The following GABRG1 variants were observed in gnomAD, a reference collection of about 807,000 sequenced individuals.
GABRG1 encodes gamma-aminobutyric acid receptor subunit gamma-1.
Under a neutral mutation model 49.8 loss-of-function variants are expected in GABRG1, and 49 were observed. That is an observed-to-expected ratio of 0.98 (90% CI 0.78 to 1.25). The LOEUF is 1.25. Among genes scored for constraint, GABRG1 ranks in the 50% most tolerant of loss-of-function variants. The probability of loss-of-function intolerance (pLI) is 0.00; values close to 1 mark genes in which losing one functional copy is unlikely to be tolerated. For synonymous variants in GABRG1, 232 were observed against 185.1 expected (o/e 1.25, Z -2.06); for missense variants, 552 against 552.3 (o/e 1.00, Z 0.01).
At chr4:46,120,098 C>T (rs1721050612) in intron 1 of GABRG1, among the ~76,000 whole-genome samples, 1 of 151,636 alleles carries the variant, frequency 6.6e-6, no homozygotes, top group African/African-American at 2.4e-5. Flanking sequence ...TCTGAAATCA[C>T]TCCAGTGAGA....
intron 1 of GABRG1, among the ~76,000 whole-genome samples, chr4:46,113,771 T>A (rs572436062): frequency 2.0e-5 from 3 of 151,302 alleles, no homozygotes; most frequent in Non-Finnish European, 4.4e-5. Context: ...TAGAACAGCA[T>A]CTGTCACACA....
At chr4:46,123,656 A>G (rs139927233) in intron 1 of GABRG1, among the ~76,000 whole-genome samples, 154 bp downstream of exon 1, 303 of 152,310 alleles carry the variant, frequency 2.0e-3, no homozygotes, top group African/African-American at 6.8e-3. Flanking sequence ...GAGAATGAAT[A>G]GATCTAATCA....
At chr4:46,070,395 C>T (rs1035681214) in intron 3 of GABRG1, among the ~76,000 whole-genome samples, 3 of 151,454 alleles carry the variant, frequency 2.0e-5, no homozygotes, top group African/African-American at 7.3e-5. Context: ...TAAAATAGAC[C>T]ATGAAGTAAT....
At chr4:46,065,097 A>G (rs1718856377) in intron 4 of GABRG1, among the ~76,000 whole-genome samples, 1 of 152,142 alleles carries the variant, frequency 6.6e-6, no homozygotes, top group African/African-American at 2.4e-5. Context: ...GCAGGTTAAG[A>G]AAACCATAAT....
chr4:46,070,225 T>A (rs1301817752), intron 3 of GABRG1, among the ~76,000 whole-genome samples: 1 of 151,908 alleles, frequency 6.6e-6, no homozygotes, highest in African/African-American at 2.4e-5. Context: ...GAACTGAAAA[T>A]CCTAGCACTT....
At position 46,064,399 on chromosome 4, in the gene GABRG1, A is replaced by G. The variant is rs183005139; in HGVS notation, c.625+42T>C. 2.4e-3 allele frequency: 2,516 copies of G among 1,041,886 alleles called. 4 individuals are homozygous for G. The highest frequency in any genetic ancestry group is 3.2e-3 in the Admixed American group (125 of 38,772). 64.5% of individuals were successfully genotyped at this position (1,041,886 alleles called of 1,614,324 possible). On this transcript the variant is annotated intron_variant, in intron 5 of 8. Coordinates refer to ENST00000295452, the MANE Select transcript of GABRG1 (RefSeq NM_173536.4). The stretch of plus-strand genomic sequence containing the variant: ...TTCATTTTTAAATAAACAGCTTCTA[A>G]GGTTAAAATTCTATGAAATTATCAA...
rs961122304 is a variant in GABRG1, at chr4:46,039,311, G to C, written c.*1677C>G. The stretch of plus-strand genomic sequence containing the variant: ...GATTCATGCTTATTTTTTTCCAGAA[G>C]TTTATGAGCAAGTGAAAAAAAAAAT... On this transcript the variant is annotated 3_prime_UTR_variant, in exon 9 of 9. Transcript: ENST00000295452. 3 of 150,330 alleles carry C rather than the reference G, an allele frequency of 2.0e-5. No individual in the cohort carries two copies. Among genetic ancestry groups the C allele is most frequent in the African/African-American group, 7.3e-5 (3 of 41,032 alleles). The allele number at this position is 150,330 out of a possible 1,614,324, so 9.3% of individuals were successfully genotyped here.
intron 7 of GABRG1, 88 bp from the exon 8 acceptor site, chr4:46,051,726 T>A: frequency 2.6e-6 from 2 of 767,848 alleles, no homozygotes; most frequent in Non-Finnish European, 4.2e-6. Context: ...TGAGTGAAAT[T>A]AAACAATAGA....
At chr4:46,084,078 G>A in intron 2 of GABRG1, 25 bp from the exon 3 acceptor site, 8 of 1,364,390 alleles carry the variant, frequency 5.9e-6, no homozygotes, top group East Asian at 2.4e-5. Context: ...CAAAAAGAAA[G>A]GTCAAAGATA....
chr4:46,116,002 T>C (rs910185659), intron 1 of GABRG1, among the ~76,000 whole-genome samples: 1 of 150,886 alleles, frequency 6.6e-6, no homozygotes, highest in African/African-American at 2.4e-5. Flanking sequence ...GATTTGAAAT[T>C]TTTGTAGCTT....
rs1378014896 is a variant in GABRG1, at chr4:46,037,814, C to T, written c.*3174G>A. The T allele has an allele frequency of 4.0e-5, 6 of 151,538 alleles. No homozygotes were observed. Among genetic ancestry groups the T allele is most frequent in the Admixed American group, 1.3e-4 (2 of 15,150 alleles). 9.4% of individuals were successfully genotyped at this position (151,538 alleles called of 1,614,324 possible). A position where few individuals can be genotyped will look rare whatever the true frequency, so the allele number is the denominator to read the frequency against. On this transcript the variant is annotated 3_prime_UTR_variant, in exon 9 of 9. Coordinates refer to ENST00000295452, the MANE Select transcript of GABRG1 (RefSeq NM_173536.4). The stretch of plus-strand genomic sequence containing the variant: ...TTTGTGTATTTTTCACAAATTTTGA[C>T]CTGGAATATAATTTCACATTTATAA...
At chr4:46,122,480 C>A (rs921224735) in intron 1 of GABRG1, among the ~76,000 whole-genome samples, 2 of 151,390 alleles carry the variant, frequency 1.3e-5, no homozygotes, top group Non-Finnish European at 2.9e-5. Flanking sequence ...ATAATTCATC[C>A]AGTATTATGT....
Position 46,041,009 on chromosome 4 carries a change from C to A in GABRG1, c.1377G>T (p.Trp459Cys), listed in dbSNP as rs1252048873. The change falls in exon 9 of 9, where the codon TGG (tryptophan) becomes TGT (cysteine). Residue 459 changes from tryptophan (W) to cysteine (C), a missense_variant. Trp to Cys is a radical substitution (Grantham distance 215). Transcript: ENST00000295452. ...GATTTTATAAGTAAAGATAGCCAAC[C>A]CAATAAACCAAGTTGAACAGGGCAA... ...TAFALFNLVYWVGYLYL is the reference protein window; with the variant it reads ...TAFALFNLVYCVGYLYL The A allele has an allele frequency of 6.2e-7, 1 of 1,610,944 alleles. No homozygotes were observed. Among genetic ancestry groups the A allele is most frequent in the African/African-American group, 1.3e-5 (1 of 74,726 alleles).
intron 3 of GABRG1, 48 bp from the exon 4 acceptor site, chr4:46,065,632 G>T: frequency 2.3e-6 from 2 of 876,716 alleles, no homozygotes; most frequent in Non-Finnish European, 3.5e-6. Flanking sequence ...TACTATTTTA[G>T]TTGTTTTTCT....
At chr4:46,041,763 A>G (rs1717796518) in intron 8 of GABRG1, among the ~76,000 whole-genome samples, 1 of 152,050 alleles carries the variant, frequency 6.6e-6, no homozygotes, top group Admixed American at 6.6e-5. Flanking sequence ...TTTGGGAAAG[A>G]GGATGTGTAG....
chr4:46,083,940 C>T lies in GABRG1; in HGVS notation c.321+46G>A, dbSNP rs147448869. On this transcript the variant is annotated intron_variant, in intron 3 of 8. Transcript: ENST00000295452. ...GCGAATTCTATTTTGGAGGTATACA[C>T]GAGAGATCTCTGTGGCAGTTATTAT... 344 of 1,035,488 alleles carry T rather than the reference C, an allele frequency of 3.3e-4. 1 individual carries two copies. The African/African-American group carries it at 4.4e-3, about 13-fold the overall frequency. The allele number at this position is 1,035,488 out of a possible 1,614,324, so 64.1% of individuals were successfully genotyped here. A position where few individuals can be genotyped will look rare whatever the true frequency, so the allele number is the denominator to read the frequency against.
Position 46,039,070 on chromosome 4 carries a change from G to C in GABRG1, c.*1918C>G, listed in dbSNP as rs1266293276. On this transcript the variant is annotated 3_prime_UTR_variant, in exon 9 of 9. Coordinates refer to ENST00000295452, the MANE Select transcript of GABRG1 (RefSeq NM_173536.4). Reference sequence around the variant, plus strand: ...AGCTATAGCTTCAAACATGAAAATAGCCATACAATATTTTAGTAAAGTATT... The same window carrying C: ...AGCTATAGCTTCAAACATGAAAATACCCATACAATATTTTAGTAAAGTATT... 6.6e-6 allele frequency: 1 copy of C among 151,362 alleles called. No homozygotes were observed. The highest frequency in any genetic ancestry group is 1.5e-5 in the Non-Finnish European group (1 of 67,616). The allele number at this position is 151,362 out of a possible 1,614,324, so 9.4% of individuals were successfully genotyped here.
At position 46,064,540 on chromosome 4, in the gene GABRG1, A is replaced by C; in HGVS notation, c.543-17T>G. The C allele has an allele frequency of 8.0e-7, 1 of 1,245,504 alleles. No individual in the cohort carries two copies. 77.2% of individuals were successfully genotyped at this position (1,245,504 alleles called of 1,614,324 possible). Reference sequence around the variant, plus strand: ...ATTGTCAATCTATTTAGATGGAAAGAAAAGTATTAAATAAAGATAAATAAT... The same window carrying C: ...ATTGTCAATCTATTTAGATGGAAAGCAAAGTATTAAATAAAGATAAATAAT... On this transcript the variant is annotated splice_polypyrimidine_tract_variant and intron_variant, in intron 4 of 8. Coordinates refer to ENST00000295452, the MANE Select transcript of GABRG1 (RefSeq NM_173536.4).
chr4:46,118,052 G>GTGTC (rs1248418629), intron 1 of GABRG1, among the ~76,000 whole-genome samples: 4 of 130,746 alleles, frequency 3.1e-5, no homozygotes, highest in South Asian at 2.2e-4. Flanking sequence ...GTATACATGT[G>GTGTC]TGTATGTATA....
Sources: gnomAD v4.1 joint callset for allele counts (sites outside exome capture counted in the v4.1 genomes callset) on GRCh38, gnomAD v4.1.1 for gene constraint, MANE v1.5 for transcripts, NCBI Gene and HGNC (gene_info 2026-07-23, HGNC 2026-07-21) for gene names.